The following DLG2 variants were observed in gnomAD, a reference collection of about 807,000 sequenced individuals.
The protein encoded by DLG2 is discs large MAGUK scaffold protein 2, also known as disks large homolog 2.
DLG2 carries 45 observed loss-of-function variants against 132.5 expected under a neutral mutation model. That is an observed-to-expected ratio of 0.34 (90% CI 0.27 to 0.44). The LOEUF is 0.44. Among genes scored for constraint, DLG2 ranks in the 20% least tolerant of loss-of-function variants. The probability of loss-of-function intolerance (pLI) is 1.00; values close to 1 mark genes in which losing one functional copy is unlikely to be tolerated. For missense variants in DLG2, 1,045 were observed against 1,196.9 expected, an observed-to-expected ratio of 0.87 and a Z score of 1.87; for synonymous variants, 424 against 419.6, an observed-to-expected ratio of 1.01 and a Z score of -0.13.
intron 6 of DLG2, among the ~76,000 whole-genome samples, chr11:84,725,291 C>A (rs894231452): frequency 6.6e-6 from 1 of 151,960 alleles, no homozygotes; most frequent in Admixed American, 6.6e-5. Context: ...CCTTATGACC[C>A]CTATAAGGAA....
chr11:85,515,891 C>A (rs567789015), intron 3 of DLG2, among the ~76,000 whole-genome samples: 23 of 152,000 alleles, frequency 1.5e-4, no homozygotes, highest in African/African-American at 4.8e-4. Context: ...TAGTTCAAGT[C>A]TAACAGAATA....
chr11:83,605,036 A>AGATT (rs2059144737), intron 19 of DLG2, among the ~76,000 whole-genome samples: 1 of 151,638 alleles, frequency 6.6e-6, no homozygotes, highest in Non-Finnish European at 1.5e-5. Context: ...AGAGAGAGAG[A>AGATT]GATTGATTGA....
At position 84,142,564 on chromosome 11, in the gene DLG2, A is replaced by G. The variant is rs1211572345; in HGVS notation, c.624+20897T>C. ...GTGTGTCTGTGACGGCAGCTCTGGA[A>G]TAGATTAGCATTTGAATCAGTAGGC... On this transcript the variant is annotated intron_variant, in intron 9 of 27. Coordinates refer to ENST00000376104, the MANE Select transcript of DLG2 (RefSeq NM_001142699.3). 3.3e-5 allele frequency among the ~76,000 whole-genome samples: 5 copies of G among 152,132 alleles called. No individual in the cohort carries two copies. The East Asian group carries it at 7.7e-4, about 23-fold the overall frequency.
At chr11:83,716,572 A>G (rs1468782288) in intron 18 of DLG2, among the ~76,000 whole-genome samples, 1 of 152,190 alleles carries the variant, frequency 6.6e-6, no homozygotes, top group African/African-American at 2.4e-5. Flanking sequence ...GTCCTCTCCA[A>G]ATGCTCTTCA....
At chr11:85,156,768 A>C (rs1321627234) in intron 4 of DLG2, among the ~76,000 whole-genome samples, 1 of 152,180 alleles carries the variant, frequency 6.6e-6, no homozygotes, top group Admixed American at 6.5e-5. Context: ...AAAGTAAAAG[A>C]CTGCTTCCCA....
At chr11:84,482,244 A>G (rs1321628617) in intron 7 of DLG2, among the ~76,000 whole-genome samples, 1 of 152,212 alleles carries the variant, frequency 6.6e-6, no homozygotes, top group Non-Finnish European at 1.5e-5. Flanking sequence ...AACCCAGATA[A>G]GAATTCTTTA....
At chr11:85,505,065 G>C (rs987514641) in intron 3 of DLG2, among the ~76,000 whole-genome samples, 1 of 152,176 alleles carries the variant, frequency 6.6e-6, no homozygotes, top group African/African-American at 2.4e-5. Flanking sequence ...TTTGCACATT[G>C]ATTTTGTATC....
intron 21 of DLG2, among the ~76,000 whole-genome samples, chr11:83,488,334 T>C (rs2093645947): frequency 6.6e-6 from 1 of 152,026 alleles, no homozygotes; most frequent in Non-Finnish European, 1.5e-5. Context: ...ACACCCATAC[T>C]AGGAGTCACT....
At chr11:85,496,423 A>C (rs1019159242) in intron 3 of DLG2, among the ~76,000 whole-genome samples, 8 of 152,150 alleles carry the variant, frequency 5.3e-5, no homozygotes, top group African/African-American at 1.9e-4. Flanking sequence ...GGGAAGCTCA[A>C]ACTGGGTGAA....
At chr11:83,581,619 T>C (rs1417569574) in intron 19 of DLG2, among the ~76,000 whole-genome samples, 1 of 152,214 alleles carries the variant, frequency 6.6e-6, no homozygotes, top group Admixed American at 6.5e-5. Context: ...AGAGGAACTT[T>C]TTGTTTTTCC....
At chr11:83,501,628 A>G (rs2094456669) in intron 21 of DLG2, among the ~76,000 whole-genome samples, 1 of 152,176 alleles carries the variant, frequency 6.6e-6, no homozygotes, top group South Asian at 2.1e-4. Context: ...AAGCTAAAAG[A>G]TAAATTCCTT....
chr11:83,737,837 G>A (rs2092108311), intron 18 of DLG2, among the ~76,000 whole-genome samples: 1 of 152,038 alleles, frequency 6.6e-6, no homozygotes, highest in Non-Finnish European at 1.5e-5. Flanking sequence ...CCTGTAAAAG[G>A]GTTAGTTGAA....
chr11:83,797,283 A>G (rs1476852834), intron 17 of DLG2, among the ~76,000 whole-genome samples: 1 of 152,210 alleles, frequency 6.6e-6, no homozygotes, highest in African/African-American at 2.4e-5. Flanking sequence ...TGACATGTAC[A>G]TAACACTTAA....
chr11:83,988,211 G>A (rs2093465135), intron 11 of DLG2, among the ~76,000 whole-genome samples: 1 of 152,094 alleles, frequency 6.6e-6, no homozygotes, highest in South Asian at 2.1e-4. Flanking sequence ...TCTTGCCTGT[G>A]CTTATGTCCT....
intron 3 of DLG2, among the ~76,000 whole-genome samples, chr11:85,373,886 G>C (rs1226818708): frequency 1.3e-5 from 2 of 151,610 alleles, no homozygotes; most frequent in Non-Finnish European, 2.9e-5. Flanking sequence ...CCTCAATTTA[G>C]GACAACTCTG....
At chr11:84,260,499 C>G (rs1389117947) in intron 7 of DLG2, among the ~76,000 whole-genome samples, 2 of 152,192 alleles carry the variant, frequency 1.3e-5, no homozygotes, top group African/African-American at 4.8e-5. Context: ...TATCAACCAC[C>G]AATGTCATGC....
rs185353231 is a variant in DLG2, at chr11:83,653,411, C to G, written c.1826-20086G>C. Among the ~76,000 whole-genome samples the G allele has an allele frequency of 9.8e-4, 149 of 152,328 alleles. 2 individuals carry two copies. The highest frequency in any genetic ancestry group is 3.5e-3 in the African/African-American group (144 of 41,580). ...TGTGTCCATATATAATTCTCTTAAA[C>G]AGCATAAATCTCTTTTCTATGCACG... On this transcript the variant is annotated intron_variant, in intron 18 of 27. Transcript: ENST00000376104.
At chr11:85,403,079 C>G (rs1243275470) in intron 3 of DLG2, among the ~76,000 whole-genome samples, 13 of 152,090 alleles carry the variant, frequency 8.5e-5, no homozygotes, top group Admixed American at 8.5e-4. Flanking sequence ...ATAGCAAAGA[C>G]TTGGAATAAA....
Position 85,136,099 on chromosome 11 carries a change from A to C in DLG2, c.282+18457T>G, listed in dbSNP as rs557467164. 2.6e-4 allele frequency among the ~76,000 whole-genome samples: 39 copies of C among 152,350 alleles called. 2 individuals carry two copies. The highest frequency in any genetic ancestry group is 9.4e-4 in the African/African-American group (39 of 41,586). On this transcript the variant is annotated intron_variant, in intron 5 of 27. Transcript: ENST00000376104. ...ATACCTTTATACAATCAGTTTAATAAATACATCCAATAAAAGTGCTTCAGA... is the reference window on the plus strand; with the variant it reads ...ATACCTTTATACAATCAGTTTAATACATACATCCAATAAAAGTGCTTCAGA...
Sources: allele counts gnomAD v4.1 joint callset (sites outside exome capture counted in the v4.1 genomes callset), GRCh38; gene constraint gnomAD v4.1.1; transcripts MANE v1.5; gene names NCBI Gene and HGNC (gene_info 2026-07-23, HGNC 2026-07-21).